The following GRID2 variants were observed in gnomAD, a reference collection of about 807,000 sequenced individuals.
GRID2 encodes glutamate ionotropic receptor delta type subunit 2.
Under a neutral mutation model 114.8 loss-of-function variants are expected in GRID2, and 33 were observed. The ratio of observed to expected loss-of-function variants is 0.29; its 90% CI spans 0.22 to 0.38. The LOEUF (loss-of-function observed/expected upper bound fraction) is 0.38, where lower values mean the gene tolerates loss of function less well. Ranked by LOEUF, GRID2 falls within the 10% of genes least tolerant of loss-of-function variation. The pLI, the probability that GRID2 is intolerant of heterozygous loss-of-function variation, is 1.00. For synonymous variants in GRID2, 505 were observed against 449.9 expected (o/e 1.12, Z -1.55); for missense variants, 1,184 against 1,257.7 (o/e 0.94, Z 0.89).
chr4:93,626,167 A>G, intron 13 of GRID2, 102 bp from the exon 14 acceptor site: 3 of 616,892 alleles, frequency 4.9e-6, no homozygotes, highest in Non-Finnish European at 8.5e-6. Flanking sequence ...TATTTTTAGC[A>G]TAATTAAATA....
chr4:93,703,309 T>C (rs536865794), intron 14 of GRID2, among the ~76,000 whole-genome samples: 14 of 152,218 alleles, frequency 9.2e-5, no homozygotes, highest in South Asian at 8.3e-4. Context: ...GTACGTGAGA[T>C]GTTTTGTTAC....
At chr4:92,768,810 C>T (rs565342268) in intron 2 of GRID2, among the ~76,000 whole-genome samples, 1 of 152,132 alleles carries the variant, frequency 6.6e-6, no homozygotes, top group South Asian at 2.1e-4. Flanking sequence ...CAGGAAAGAC[C>T]CGCCCCATAA....
At chr4:93,274,799 G>T (rs540012257) in intron 8 of GRID2, among the ~76,000 whole-genome samples, 1 of 152,016 alleles carries the variant, frequency 6.6e-6, no homozygotes, top group Non-Finnish European at 1.5e-5. Flanking sequence ...AAGACATCAT[G>T]TACGTGTCAC....
intron 2 of GRID2, among the ~76,000 whole-genome samples, chr4:92,799,281 C>T (rs1740040262): frequency 6.6e-6 from 1 of 151,776 alleles, no homozygotes; most frequent in Non-Finnish European, 1.5e-5. Context: ...GGTCGGTGCT[C>T]CTGTGATAAC....
intron 2 of GRID2, among the ~76,000 whole-genome samples, chr4:92,825,847 G>A (rs1741660177): frequency 6.6e-6 from 1 of 152,014 alleles, no homozygotes; most frequent in Admixed American, 6.6e-5. Flanking sequence ...AGCAACACTG[G>A]GGAACTACTT....
intron 8 of GRID2, among the ~76,000 whole-genome samples, chr4:93,311,933 A>T (rs1016902813): frequency 1.3e-5 from 2 of 152,222 alleles, no homozygotes; most frequent in East Asian, 3.8e-4. Context: ...AAATGAAGGT[A>T]GTTCAATAAT....
At chr4:93,518,677 G>A (rs1435003217) in intron 13 of GRID2, among the ~76,000 whole-genome samples, 1 of 152,112 alleles carries the variant, frequency 6.6e-6, no homozygotes, top group Non-Finnish European at 1.5e-5. Context: ...GAAATACCGA[G>A]AAGCAAGGTA....
intron 2 of GRID2, among the ~76,000 whole-genome samples, chr4:92,698,327 G>A (rs2149299039): frequency 6.6e-6 from 1 of 152,200 alleles, no homozygotes; most frequent in Non-Finnish European, 1.5e-5. Context: ...CTCTTGATCT[G>A]AATGGAAAAC....
At chr4:92,924,933 C>G (rs1251622671) in intron 2 of GRID2, among the ~76,000 whole-genome samples, 1 of 152,062 alleles carries the variant, frequency 6.6e-6, no homozygotes, top group Non-Finnish European at 1.5e-5. Flanking sequence ...TTCTGACCTG[C>G]TTTTCTTAGT....
chr4:93,330,474 G>T (rs1008907954), intron 8 of GRID2, among the ~76,000 whole-genome samples: 4 of 152,040 alleles, frequency 2.6e-5, no homozygotes, highest in Admixed American at 1.3e-4. Flanking sequence ...TGTATTGAAA[G>T]AAATATTTTC....
intron 2 of GRID2, among the ~76,000 whole-genome samples, chr4:92,599,645 G>A (rs946736191): frequency 6.6e-6 from 1 of 152,004 alleles, no homozygotes; most frequent in Non-Finnish European, 1.5e-5. Flanking sequence ...ATAGACTAAC[G>A]TGATATGATG....
At chr4:92,573,922 T>C (rs1029247903) in intron 1 of GRID2, among the ~76,000 whole-genome samples, 1 of 152,124 alleles carries the variant, frequency 6.6e-6, no homozygotes, top group Non-Finnish European at 1.5e-5. Flanking sequence ...AGGCTCACAG[T>C]ATTACTTTGT....
At position 93,794,958 on chromosome 4, in the gene GRID2, T is replaced by C. The variant is rs192945211; in HGVS notation, c.222-11757T>C. On this transcript the variant is annotated intron_variant, in intron 1 of 1. Coordinates refer to the GRID2 transcript ENST00000637838. ...TTAAGTGCTCCCATGAAGTACTTAT[T>C]ACTGTAACCTTATTTACTTTAGAAA... 1.2e-4 allele frequency among the ~76,000 whole-genome samples: 19 copies of C among 152,326 alleles called. No individual in the cohort carries two copies. In the East Asian group the frequency reaches 3.7e-3, roughly 29 times the overall value.
chr4:92,741,497 A>G (rs1164506495), intron 2 of GRID2, among the ~76,000 whole-genome samples: 1 of 152,166 alleles, frequency 6.6e-6, no homozygotes, highest in Non-Finnish European at 1.5e-5. Flanking sequence ...TGCCATCCAA[A>G]CTAAACCCAT....
At chr4:93,103,554 A>ACCCT (rs1364810095) in intron 3 of GRID2, among the ~76,000 whole-genome samples, 1 of 151,976 alleles carries the variant, frequency 6.6e-6, no homozygotes, top group Non-Finnish European at 1.5e-5. Flanking sequence ...TTTATACCTT[A>ACCCT]CCCTCTTATA....
rs149750098 is a variant in GRID2, at chr4:93,669,824, C to A, written c.2360+43389C>A. ...TTCCTCTCACTGGGCTCCAACCCAC[C>A]CTGCACCTTCTCTCTCACACATGAA... On this transcript the variant is annotated intron_variant, in intron 14 of 15. Coordinates refer to ENST00000282020, the MANE Select transcript of GRID2 (RefSeq NM_001510.4). 3.2e-4 allele frequency among the ~76,000 whole-genome samples: 49 copies of A among 152,182 alleles called. No individual in the cohort carries two copies. In the East Asian group the frequency reaches 9.1e-3, roughly 28 times the overall value.
chr4:92,745,463 T>A (rs556005239), intron 2 of GRID2, among the ~76,000 whole-genome samples: 180 of 152,332 alleles, frequency 1.2e-3, no homozygotes, highest in Middle Eastern at 0.01. Context: ...ATGTTTATAC[T>A]GTTTAACATG....
chr4:93,227,488 A>G (rs924788104), intron 7 of GRID2, among the ~76,000 whole-genome samples: 7 of 152,176 alleles, frequency 4.6e-5, no homozygotes, highest in South Asian at 2.1e-4. Context: ...CAGCCTCCCA[A>G]AGTGCTAGGA....
At chr4:92,575,118 T>C (rs1325636720) in intron 1 of GRID2, among the ~76,000 whole-genome samples, 2 of 152,204 alleles carry the variant, frequency 1.3e-5, no homozygotes, top group Admixed American at 6.5e-5. Flanking sequence ...TTAATGCTTG[T>C]AATTGCAATG....
Sources: allele counts gnomAD v4.1 joint callset (sites outside exome capture counted in the v4.1 genomes callset), GRCh38; gene constraint gnomAD v4.1.1; transcripts MANE v1.5; gene names NCBI Gene and HGNC (gene_info 2026-07-23, HGNC 2026-07-21).